The following CLSTN2 variants were observed in gnomAD, a reference collection of about 807,000 sequenced individuals.
CLSTN2 encodes calsyntenin 2, also known as calsyntenin-2.
A neutral mutation model predicts 101.2 loss-of-function variants in CLSTN2; 48 were observed. The ratio of observed to expected loss-of-function variants is 0.47; its 90% CI spans 0.38 to 0.60. The LOEUF is 0.60. Among genes scored for constraint, CLSTN2 ranks in the 20% least tolerant of loss-of-function variants. CLSTN2 has a pLI of 0.00. For synonymous variants in CLSTN2, 481 were observed against 463.6 expected, an observed-to-expected ratio of 1.04 and a Z score of -0.48; for missense variants, 1,160 against 1,238.2, an observed-to-expected ratio of 0.94 and a Z score of 0.95.
chr3:140,552,406 A>ATT (rs1935720760), intron 10 of CLSTN2, among the ~76,000 whole-genome samples: 1 of 151,166 alleles, frequency 6.6e-6, no homozygotes, highest in African/African-American at 2.4e-5. Flanking sequence ...CAGTTTAAAA[A>ATT]AAAAAAAAAA....
At chr3:140,150,411 A>G (rs746658111) in intron 1 of CLSTN2, among the ~76,000 whole-genome samples, 4 of 152,216 alleles carry the variant, frequency 2.6e-5, no homozygotes, top group Non-Finnish European at 4.4e-5. Flanking sequence ...TTCAAAGTAT[A>G]TGGTAAACCC....
chr3:140,481,924 A>G (rs1934125266), intron 8 of CLSTN2, among the ~76,000 whole-genome samples: 2 of 152,126 alleles, frequency 1.3e-5, no homozygotes, highest in African/African-American at 4.8e-5. Flanking sequence ...TCTTTTCCTA[A>G]TTGAATACCC....
chr3:140,158,778 A>G (rs1490091940), intron 1 of CLSTN2, among the ~76,000 whole-genome samples: 6 of 152,206 alleles, frequency 3.9e-5, no homozygotes, highest in Non-Finnish European at 1.5e-5. Flanking sequence ...ATTTCAAACT[A>G]TGCTATAAGG....
intron 1 of CLSTN2, among the ~76,000 whole-genome samples, chr3:140,118,253 T>C (rs967635759): frequency 1.3e-5 from 2 of 151,956 alleles, no homozygotes; most frequent in African/African-American, 4.8e-5. Flanking sequence ...AGAAAATAAA[T>C]GTTTGTGTTT....
intron 6 of CLSTN2, among the ~76,000 whole-genome samples, chr3:140,456,936 T>G (rs1933416282): frequency 6.6e-6 from 1 of 152,178 alleles, no homozygotes; most frequent in African/African-American, 2.4e-5. Flanking sequence ...CATCACCCCA[T>G]GCATGGTCCT....
At chr3:140,065,786 A>G (rs1158344392) in intron 1 of CLSTN2, among the ~76,000 whole-genome samples, 1 of 152,196 alleles carries the variant, frequency 6.6e-6, no homozygotes. Flanking sequence ...TGGCAAATAC[A>G]GCCTTGGGAG....
chr3:140,440,419 C>T (rs1157634808), intron 5 of CLSTN2, among the ~76,000 whole-genome samples: 7 of 152,156 alleles, frequency 4.6e-5, no homozygotes, highest in Admixed American at 6.5e-5. Flanking sequence ...TCCTTATGTT[C>T]GTAATTCAGT....
At chr3:139,971,952 C>G (rs1011009044) in intron 1 of CLSTN2, among the ~76,000 whole-genome samples, 33 of 152,180 alleles carry the variant, frequency 2.2e-4, no homozygotes, top group African/African-American at 7.7e-4. Context: ...GGGAGACTGT[C>G]TGCAGAGGCT....
intron 1 of CLSTN2, among the ~76,000 whole-genome samples, chr3:140,175,648 A>G (rs998851543): frequency 3.3e-5 from 5 of 152,224 alleles, no homozygotes; most frequent in African/African-American, 1.2e-4. Context: ...CTGGGTATCC[A>G]GACATACAAA....
intron 2 of CLSTN2, among the ~76,000 whole-genome samples, chr3:140,258,567 A>G (rs930396322): frequency 1.3e-5 from 2 of 152,152 alleles, no homozygotes; most frequent in African/African-American, 4.8e-5. Context: ...GTCATTTCCC[A>G]TTTGCTGCTG....
chr3:140,182,505 C>T (rs919437011), intron 2 of CLSTN2, among the ~76,000 whole-genome samples: 8 of 152,140 alleles, frequency 5.3e-5, no homozygotes, highest in Admixed American at 3.9e-4. Flanking sequence ...GCTCGGACCT[C>T]GCAGCAGAGA....
chr3:140,533,851 A>G (rs898875732), intron 9 of CLSTN2, among the ~76,000 whole-genome samples: 2 of 152,196 alleles, frequency 1.3e-5, no homozygotes, highest in African/African-American at 4.8e-5. Context: ...AAAGGAGTAC[A>G]TACAGTGCAG....
rs75284176 is a variant in CLSTN2, at chr3:140,432,702, A to C, written c.787+11428A>C. ...AAAGAGCTGCCAGATAAAAGTGCCC[A>C]TGCTCAAGTCTGCTTTGATCTGACT... On this transcript the variant is annotated intron_variant, in intron 5 of 16. Transcript: ENST00000458420. Among the ~76,000 whole-genome samples the C allele has an allele frequency of 6.0e-3, 907 of 152,328 alleles. 11 individuals carry two copies. Among genetic ancestry groups the C allele is most frequent in the African/African-American group, 0.021 (879 of 41,564 alleles).
At chr3:140,053,742 AG>A (rs1336010837) in intron 1 of CLSTN2, among the ~76,000 whole-genome samples, 2 of 152,264 alleles carry the variant, frequency 1.3e-5, no homozygotes, top group South Asian at 2.1e-4. Flanking sequence ...GCTTTGGTGA[AG>A]CTACTAGCTC....
At chr3:140,301,396 G>T (rs973790839) in intron 2 of CLSTN2, among the ~76,000 whole-genome samples, 2 of 152,162 alleles carry the variant, frequency 1.3e-5, no homozygotes, top group South Asian at 2.1e-4. Flanking sequence ...GGTGAATCCA[G>T]TGAGAAAAGT....
chr3:140,127,353 A>G (rs560127195), intron 1 of CLSTN2, among the ~76,000 whole-genome samples: 1 of 152,338 alleles, frequency 6.6e-6, no homozygotes, highest in African/African-American at 2.4e-5. Context: ...GGCTTAGCTG[A>G]TAAATAATGG....
chr3:140,439,164 C>A (rs1385052133), intron 5 of CLSTN2, among the ~76,000 whole-genome samples: 2 of 152,222 alleles, frequency 1.3e-5, no homozygotes, highest in Non-Finnish European at 2.9e-5. Flanking sequence ...AAGGCCAAAG[C>A]CTTCCAGGAA....
chr3:140,312,388 T>C (rs2087177723), intron 2 of CLSTN2, among the ~76,000 whole-genome samples: 1 of 152,264 alleles, frequency 6.6e-6, no homozygotes, highest in South Asian at 2.1e-4. Context: ...TGCTCTATCA[T>C]TATCGCATCT....
At chr3:140,505,072 C>CT (rs11414136) in intron 8 of CLSTN2, among the ~76,000 whole-genome samples, 8,769 of 150,018 alleles carry the variant, frequency 0.058, 820 homozygotes, top group African/African-American at 0.2. Context: ...AAGAAAGTAT[C>CT]TTTTTTTTTT....
Sources: gnomAD v4.1 joint callset for allele counts (sites outside exome capture counted in the v4.1 genomes callset) on GRCh38, gnomAD v4.1.1 for gene constraint, MANE v1.5 for transcripts, NCBI Gene and HGNC (gene_info 2026-07-23, HGNC 2026-07-21) for gene names.